Variants in AFAP1L2 observed in about 807,000 individuals in gnomAD.
AFAP1L2 encodes the protein actin filament-associated protein 1-like 2.
In AFAP1L2, 46 loss-of-function variants were observed where a neutral mutation model predicts 99.3. The observed-to-expected ratio is 0.46, with a 90% CI of 0.37 to 0.59. The LOEUF (loss-of-function observed/expected upper bound fraction) is 0.59. AFAP1L2 is among the 20% of genes least tolerant of loss of function. The pLI, the probability that AFAP1L2 is intolerant of heterozygous loss-of-function variation, is 0.00. For synonymous variants in AFAP1L2, 397 were observed against 419.1 expected (o/e 0.95, Z 0.64); for missense variants, 959 against 1,034.9 (o/e 0.93, Z 1.01).
intron 4 of AFAP1L2, among the ~76,000 whole-genome samples, chr10:114,330,240 GC>G (rs2047036835): frequency 6.6e-6 from 1 of 152,190 alleles, no homozygotes; most frequent in Admixed American, 6.5e-5. Context: ...CCAGTCCAGA[GC>G]CATTCTGGGG....
the AFAP1L2 span, among the ~76,000 whole-genome samples, chr10:114,284,178 T>C: frequency 1.3e-5 from 2 of 152,384 alleles, no homozygotes; most frequent in South Asian, 2.1e-4. Flanking sequence ...GGCTGTGGTT[T>C]CCCATGTAAA....
chr10:114,306,565 G>A (rs921270841), intron 10 of AFAP1L2, among the ~76,000 whole-genome samples: 3 of 152,004 alleles, frequency 2.0e-5, no homozygotes, highest in Non-Finnish European at 4.4e-5. Flanking sequence ...CTGGCCCAGT[G>A]GGGATCATGC....
chr10:114,305,365 G>A lies in AFAP1L2; in HGVS notation c.1073-435C>T, dbSNP rs192139854. The stretch of plus-strand genomic sequence containing the variant: ...AGGGGACTGGGCTGCAGGAGGGAGC[G>A]GGGCTGCAGGAGAGAGCGGGGCTGC... On this transcript the variant is annotated intron_variant, in intron 10 of 18. Transcript: ENST00000304129. Among the ~76,000 whole-genome samples, 688 of 147,192 alleles carry A rather than the reference G, an allele frequency of 4.7e-3. 4 individuals carry two copies. The highest frequency in any genetic ancestry group is 7.3e-3 in the Non-Finnish European group (487 of 66,672).
intron 1 of AFAP1L2, among the ~76,000 whole-genome samples, chr10:114,383,993 C>T (rs1431466621): frequency 6.6e-6 from 1 of 152,196 alleles, no homozygotes; most frequent in Non-Finnish European, 1.5e-5. Context: ...TCCGGTCCTG[C>T]CCCTAGCGCT....
In AFAP1L2 at chr10:114,297,409, C is replaced by T. The variant is rs1331657651; in HGVS notation, c.2118G>A (p.Lys706=). The change falls in exon 17 of 19, where the codon AAG becomes AAA. Residue 706 remains lysine, a synonymous_variant. Coordinates refer to ENST00000304129, the MANE Select transcript of AFAP1L2 (RefSeq NM_001001936.3). ...TCTGCTCCAGGCTCGCCAGGACTTC[C>T]TTGTCTGGAGAGAGAATTATGCAGG... ...LKETLLKCTD[K]EVLASLEQKL... 2 of 1,612,372 alleles carry T rather than the reference C, an allele frequency of 1.2e-6. No individual in the cohort carries two copies. The highest frequency in any genetic ancestry group is 1.7e-5 in the Admixed American group (1 of 59,980).
chr10:114,298,395 G>A (rs769687549), intron 16 of AFAP1L2, among the ~76,000 whole-genome samples: 3 of 152,146 alleles, frequency 2.0e-5, no homozygotes, highest in Non-Finnish European at 4.4e-5. Context: ...AAGCCAGTGG[G>A]TGACTTTGCA....
intron 4 of AFAP1L2, chr10:114,326,075 C>T (rs896284313): frequency 2.5e-5 from 32 of 1,277,890 alleles, no homozygotes; most frequent in African/African-American, 4.6e-5. Flanking sequence ...GGAGTGAACC[C>T]TTCTGCAGGA....
intron 1 of AFAP1L2, among the ~76,000 whole-genome samples, chr10:114,396,073 C>G (rs1267274937): frequency 1.3e-5 from 2 of 152,170 alleles, no homozygotes; most frequent in East Asian, 3.9e-4. Context: ...TTGTGGGTGA[C>G]TAGTGGCTTG....
At chr10:114,291,346 G>A (rs1400438246), downstream of AFAP1L2, 13 of 1,329,448 alleles carry the variant, frequency 9.8e-6, no homozygotes, top group Admixed American at 2.8e-5. Context: ...TGTGCCCCAG[G>A]TCCTTAGAAT....
In AFAP1L2 at chr10:114,300,248, T is replaced by C. The variant is rs764029953; in HGVS notation, c.1903A>G (p.Thr635Ala). Reference sequence around the variant, plus strand: ...ACAGGTGGGCTGGCACCAGGTGGGGTGGCCACCACGGCATCCGGGCAGCTC... The same window carrying C: ...ACAGGTGGGCTGGCACCAGGTGGGGCGGCCACCACGGCATCCGGGCAGCTC... ...PPSCPDAVVA[T>A]PPGASPPVKD... is the part of the protein sequence containing the mutation. The change falls in exon 15 of 19, where the codon ACC becomes GCC. Residue 635 changes from threonine to alanine, a missense_variant. Coordinates refer to ENST00000304129, the MANE Select transcript of AFAP1L2 (RefSeq NM_001001936.3). The C allele has an allele frequency of 6.2e-7, 1 of 1,614,000 alleles. No individual in the cohort carries two copies. Among genetic ancestry groups the C allele is most frequent in the South Asian group, 1.1e-5 (1 of 91,074 alleles).
chr10:114,350,339 G>C (rs1284498292), intron 1 of AFAP1L2, among the ~76,000 whole-genome samples: 1 of 152,200 alleles, frequency 6.6e-6, no homozygotes. Flanking sequence ...ATTGTTCTCT[G>C]TTGTCCCATG....
At position 114,403,528 on chromosome 10, in the gene AFAP1L2, G is replaced by C. The variant is rs180754495; in HGVS notation, c.16+912C>G. Among the ~76,000 whole-genome samples the C allele has an allele frequency of 3.2e-3, 494 of 152,348 alleles. 2 individuals carry two copies. The highest frequency in any genetic ancestry group is 0.011 in the African/African-American group (461 of 41,588). On this transcript the variant is annotated intron_variant, in intron 1 of 18. Transcript: ENST00000304129. Reference sequence around the variant, plus strand: ...ACCGGTCCAGCAAAAGAGAAGGCAAGAGGCTTTTCCAAAGGGAAGGGGTCT... The same window carrying C: ...ACCGGTCCAGCAAAAGAGAAGGCAACAGGCTTTTCCAAAGGGAAGGGGTCT...
chr10:114,320,033 C>T lies in AFAP1L2; in HGVS notation c.406+3138G>A, dbSNP rs143359367. Among the ~76,000 whole-genome samples, 454 of 152,278 alleles carry T rather than the reference C, an allele frequency of 3.0e-3. 2 individuals are homozygous for T. The highest frequency in any genetic ancestry group is 1.0e-2 in the African/African-American group (414 of 41,552). ...GAGACAAACATGGAAGGAGCCCGGGCACCTAATCTACATGAGGATGAGTAA... is the reference window on the plus strand; with the variant it reads ...GAGACAAACATGGAAGGAGCCCGGGTACCTAATCTACATGAGGATGAGTAA... On this transcript the variant is annotated intron_variant, in intron 5 of 18. Coordinates refer to ENST00000304129, the MANE Select transcript of AFAP1L2 (RefSeq NM_001001936.3).
chr10:114,376,318 C>T (rs2054793097), intron 1 of AFAP1L2, among the ~76,000 whole-genome samples: 1 of 152,178 alleles, frequency 6.6e-6, no homozygotes, highest in Non-Finnish European at 1.5e-5. Context: ...ATAGGGGTGA[C>T]AAATGCAATA....
chr10:114,385,762 A>C (rs545506268), intron 1 of AFAP1L2, among the ~76,000 whole-genome samples: 1 of 152,330 alleles, frequency 6.6e-6, no homozygotes, highest in Admixed American at 6.5e-5. Flanking sequence ...TCAGGCAAAC[A>C]AGTTCCAGCA....
At chr10:114,383,765 C>G (rs2137545995) in intron 1 of AFAP1L2, among the ~76,000 whole-genome samples, 1 of 152,304 alleles carries the variant, frequency 6.6e-6, no homozygotes, top group South Asian at 2.1e-4. Flanking sequence ...ACTTGGAAAT[C>G]TGACCCTTTC....
chr10:114,307,132 T>C (rs1021717420), intron 10 of AFAP1L2, among the ~76,000 whole-genome samples: 1 of 152,128 alleles, frequency 6.6e-6, no homozygotes, highest in Non-Finnish European at 1.5e-5. Flanking sequence ...AACCTCAGTT[T>C]CCCTGAGTAT....
rs778030616 is a variant in AFAP1L2 at position 114,368,402 on chromosome 10, T to C, written c.17-27671A>G. The stretch of plus-strand genomic sequence containing the variant: ...GACTATAGTTAATAATAACAGCGTA[T>C]TGGTTTGGGGGTTCTGTTTGTTTGT... On this transcript the variant is annotated intron_variant, in intron 1 of 18. Transcript: ENST00000304129. Among the ~76,000 whole-genome samples, 8 of 152,058 alleles carry C rather than the reference T, an allele frequency of 5.3e-5. No individual in the cohort carries two copies. In the East Asian group the frequency reaches 1.5e-3, roughly 29 times the overall value.
chr10:114,398,436 G>A (rs2057931005), intron 1 of AFAP1L2, among the ~76,000 whole-genome samples: 2 of 152,346 alleles, frequency 1.3e-5, no homozygotes, highest in Non-Finnish European at 2.9e-5. Flanking sequence ...AGTGGGCAGA[G>A]CCCAGTGAAC....
Sources: gnomAD v4.1 joint callset for allele counts (sites outside exome capture counted in the v4.1 genomes callset) on GRCh38, gnomAD v4.1.1 for gene constraint, MANE v1.5 for transcripts, NCBI Gene and HGNC (gene_info 2026-07-23, HGNC 2026-07-21) for gene names.